Variants in GALNT14 observed in about 807,000 individuals in gnomAD.
GALNT14 encodes UDP-GalNAc:polypeptide N-acetylgalactosaminyltransferase 14.
Under a neutral mutation model 77.5 loss-of-function variants are expected in GALNT14, and 60 were observed. The ratio of observed to expected loss-of-function variants is 0.77; its 90% CI spans 0.63 to 0.96. GALNT14 has a LOEUF of 0.96. Among genes scored for constraint, GALNT14 ranks in the 40% least tolerant of loss-of-function variants. The pLI is 0.00. For synonymous variants in GALNT14, 280 were observed against 281.7 expected, an observed-to-expected ratio of 0.99 and a Z score of 0.06; for missense variants, 710 against 731.0, an observed-to-expected ratio of 0.97 and a Z score of 0.33.
intron 1 of GALNT14, among the ~76,000 whole-genome samples, chr2:31,132,940 TG>T (rs1200289077): frequency 3.3e-5 from 5 of 152,178 alleles, no homozygotes; most frequent in Non-Finnish European, 7.3e-5. Flanking sequence ...GATCCTACAC[TG>T]GGTGGATCAG....
chr2:31,058,223 T>A (rs1440825200), intron 1 of GALNT14, among the ~76,000 whole-genome samples: 1 of 152,196 alleles, frequency 6.6e-6, no homozygotes, highest in African/African-American at 2.4e-5. Context: ...ACTAGCTATA[T>A]AACATTGAGC....
At chr2:31,085,999 C>A (rs548676183) in intron 1 of GALNT14, among the ~76,000 whole-genome samples, 1 of 152,196 alleles carries the variant, frequency 6.6e-6, no homozygotes, top group Non-Finnish European at 1.5e-5. Flanking sequence ...GAGACTTACT[C>A]GCTATCACAA....
At chr2:30,950,301 T>C (rs1430988160) in intron 6 of GALNT14, among the ~76,000 whole-genome samples, 1 of 151,972 alleles carries the variant, frequency 6.6e-6, no homozygotes, top group Non-Finnish European at 1.5e-5. Flanking sequence ...CCCAACTTGG[T>C]ACTTGTTTCA....
At chr2:30,996,370 C>A (rs1670030977) in intron 1 of GALNT14, among the ~76,000 whole-genome samples, 1 of 152,236 alleles carries the variant, frequency 6.6e-6, no homozygotes, top group Non-Finnish European at 1.5e-5. Flanking sequence ...ACGTCTCTGG[C>A]CACACGTGGA....
intron 6 of GALNT14, among the ~76,000 whole-genome samples, chr2:30,955,106 A>C (rs1184053508): frequency 1.3e-5 from 2 of 152,194 alleles, no homozygotes; most frequent in Admixed American, 1.3e-4. Context: ...AGAATTGTAG[A>C]GTAATTTAAG....
chr2:31,138,039 G>T lies in GALNT14; in HGVS notation c.48C>A (p.Leu16=). The T allele has an allele frequency of 6.2e-7, 1 of 1,613,852 alleles. No homozygotes were observed. The highest frequency in any genetic ancestry group is 2.2e-5 in the East Asian group (1 of 44,834). The change falls in exon 1 of 15, where the codon CTC becomes CTA. Residue 16 remains leucine (L), a synonymous_variant. Coordinates refer to ENST00000349752, the MANE Select transcript of GALNT14 (RefSeq NM_024572.4). ...AGAAGAACAGCAGCACCGTGATCCA[G>T]AGCACCCCGAAGACTGGCAGAACCA... ...RRLVLPVFGV[L]WITVLLFFWV...
intron 6 of GALNT14, among the ~76,000 whole-genome samples, chr2:30,952,659 T>C (rs1667099044): frequency 6.7e-6 from 1 of 148,274 alleles, no homozygotes; most frequent in Non-Finnish European, 1.5e-5. Flanking sequence ...TACCTAATGC[T>C]AGATGACGAG....
chr2:30,917,695 C>G (rs116847387), intron 13 of GALNT14, among the ~76,000 whole-genome samples: 1 of 152,232 alleles, frequency 6.6e-6, no homozygotes. Flanking sequence ...ATAACCACTA[C>G]GGTTCCCGTT....
intron 13 of GALNT14, among the ~76,000 whole-genome samples, chr2:30,921,479 T>C (rs912452937): frequency 6.6e-6 from 1 of 152,204 alleles, no homozygotes; most frequent in African/African-American, 2.4e-5. Context: ...TCCCTTTTCC[T>C]GTCTGATTCA....
chr2:30,937,611 A>G (rs988794359), intron 9 of GALNT14, among the ~76,000 whole-genome samples: 1 of 152,018 alleles, frequency 6.6e-6, no homozygotes, highest in African/African-American at 2.4e-5. Context: ...CGGGCTTCAC[A>G]TCTCTCTGGT....
chr2:30,963,730 G>A (rs541480951), intron 3 of GALNT14, among the ~76,000 whole-genome samples: 2 of 152,340 alleles, frequency 1.3e-5, no homozygotes, highest in South Asian at 4.1e-4. Flanking sequence ...CACACAGCTA[G>A]GAAGTGGTAG....
intron 1 of GALNT14, among the ~76,000 whole-genome samples, chr2:31,010,558 T>C (rs976199260): frequency 1.3e-5 from 2 of 152,172 alleles, no homozygotes; most frequent in Non-Finnish European, 2.9e-5. Context: ...GAGCTTGCAG[T>C]GAGCCGGGAT....
intron 13 of GALNT14, among the ~76,000 whole-genome samples, chr2:30,916,031 G>A (rs1412517603): frequency 6.6e-6 from 1 of 152,060 alleles, no homozygotes; most frequent in African/African-American, 2.4e-5. Context: ...GTTTTATTGG[G>A]GTCTGAAGGA....
Position 31,013,126 on chromosome 2 carries a change from C to T in GALNT14, c.130-20119G>A, listed in dbSNP as rs564919143. 2.0e-5 allele frequency among the ~76,000 whole-genome samples: 3 copies of T among 152,174 alleles called. No individual in the cohort carries two copies. The South Asian group carries it at 6.2e-4, about 32-fold the overall frequency. ...GGACCTTGGGCAAGTCACTGGGACT[C>T]AGAGGAGAAAGATTTAAATTATTAA... On this transcript the variant is annotated intron_variant, in intron 1 of 14. Transcript: ENST00000349752.
At position 31,111,339 on chromosome 2, in the gene GALNT14, C is replaced by T. The variant is rs75462125; in HGVS notation, c.129+26619G>A. ...AAGTCTCCAGGCAAAAGGGCCAGGGCTTAGGCTTCGTTGCCATAATGCTGA... is the reference window on the plus strand; with the variant it reads ...AAGTCTCCAGGCAAAAGGGCCAGGGTTTAGGCTTCGTTGCCATAATGCTGA... On this transcript the variant is annotated intron_variant, in intron 1 of 14. Transcript: ENST00000349752. Among the ~76,000 whole-genome samples, 524 of 152,340 alleles carry T rather than the reference C, an allele frequency of 3.4e-3. 1 individual carries two copies. The highest frequency in any genetic ancestry group is 0.012 in the African/African-American group (507 of 41,576).
chr2:30,887,095 A>G, the GALNT14 span, among the ~76,000 whole-genome samples: 2 of 152,244 alleles, frequency 1.3e-5, no homozygotes, highest in African/African-American at 4.8e-5. Context: ...CATTTTATGT[A>G]TACACCACCA....
In GALNT14 at chr2:31,086,453, G is replaced by A. The variant is rs577240815; in HGVS notation, c.129+51505C>T. Among the ~76,000 whole-genome samples the A allele has an allele frequency of 1.1e-4, 17 of 152,014 alleles. 1 individual carries two copies. In the South Asian group the frequency reaches 3.5e-3, roughly 32 times the overall value. On this transcript the variant is annotated intron_variant, in intron 1 of 14. Transcript: ENST00000349752. Reference sequence around the variant, plus strand: ...CGTGCCAGGCATTTTTACTGCAGAAGAATGTGACCTTGAGCAAGTAACTTC... The same window carrying A: ...CGTGCCAGGCATTTTTACTGCAGAAAAATGTGACCTTGAGCAAGTAACTTC...
At chr2:30,996,838 A>G (rs1320109361) in intron 1 of GALNT14, among the ~76,000 whole-genome samples, 1 of 152,238 alleles carries the variant, frequency 6.6e-6, no homozygotes, top group African/African-American at 2.4e-5. Context: ...AAGCGCAGTC[A>G]TAGTCTGCTG....
chr2:30,918,048 G>C lies in GALNT14; in HGVS notation c.1381-5706C>G, dbSNP rs565332539. Reference sequence around the variant, plus strand: ...GATGGCTGTGCTGGGGTCTGCCTCAGTCCCTCCCTGGTGGAGGCTTTTTCT... The same window carrying C: ...GATGGCTGTGCTGGGGTCTGCCTCACTCCCTCCCTGGTGGAGGCTTTTTCT... On this transcript the variant is annotated intron_variant, in intron 13 of 14. Transcript: ENST00000349752. Among the ~76,000 whole-genome samples the C allele has an allele frequency of 1.7e-4, 26 of 152,344 alleles. No individual in the cohort carries two copies. In the East Asian group the frequency reaches 5.0e-3, roughly 29 times the overall value.
Sources: allele counts gnomAD v4.1 joint callset (sites outside exome capture counted in the v4.1 genomes callset), GRCh38; gene constraint gnomAD v4.1.1; transcripts MANE v1.5; gene names NCBI Gene and HGNC (gene_info 2026-07-23, HGNC 2026-07-21).